Variants in OSBPL10 observed in about 807,000 individuals in gnomAD.
OSBPL10 encodes oxysterol binding protein like 10, also known as oxysterol-binding protein-related protein 10.
Under a neutral mutation model 81.7 loss-of-function variants are expected in OSBPL10, and 49 were observed. That is an observed-to-expected ratio of 0.60 (90% CI 0.48 to 0.76). OSBPL10 has a LOEUF of 0.76. OSBPL10 is among the 30% of genes least tolerant of loss of function. OSBPL10 has a pLI of 0.00. For missense variants in OSBPL10, 923 were observed against 987.8 expected (o/e 0.93, Z 0.88); for synonymous variants, 419 against 383.6 (o/e 1.09, Z -1.08).
intron 6 of OSBPL10, chr3:31,732,802 G>A (rs1230899163): frequency 4.8e-6 from 1 of 206,214 alleles, no homozygotes; most frequent in African/African-American, 2.4e-5. Context: ...CAAGAGGAGT[G>A]TTGGCCATGG....
chr3:32,015,708 A>G (rs1699307008), intron 2 of OSBPL10, among the ~76,000 whole-genome samples: 1 of 152,240 alleles, frequency 6.6e-6, no homozygotes, highest in East Asian at 1.9e-4. Flanking sequence ...TCATCTTACA[A>G]AGGGCTAATA....
At chr3:31,927,541 C>T (rs926806471) in intron 1 of OSBPL10, among the ~76,000 whole-genome samples, 9 of 152,156 alleles carry the variant, frequency 5.9e-5, no homozygotes, top group Non-Finnish European at 1.2e-4. Flanking sequence ...TTTCTGGATG[C>T]CCAGAGTCAT....
At chr3:31,954,947 A>G (rs1159338764) in intron 1 of OSBPL10, among the ~76,000 whole-genome samples, 1 of 152,254 alleles carries the variant, frequency 6.6e-6, no homozygotes, top group Non-Finnish European at 1.5e-5. Flanking sequence ...TGTCAGTTGT[A>G]GAATCCAGGT....
intron 1 of OSBPL10, among the ~76,000 whole-genome samples, chr3:31,977,969 C>A (rs892911338): frequency 1.6e-4 from 24 of 152,192 alleles, no homozygotes; most frequent in African/African-American, 5.5e-4. Context: ...TGTGACCTCT[C>A]TTTATGTCGT....
At chr3:31,964,007 A>G (rs1228035222) in intron 1 of OSBPL10, among the ~76,000 whole-genome samples, 1 of 152,032 alleles carries the variant, frequency 6.6e-6, no homozygotes, top group African/African-American at 2.4e-5. Flanking sequence ...CAATATTTCC[A>G]AAGCACATCC....
intron 4 of OSBPL10, among the ~76,000 whole-genome samples, chr3:31,757,575 A>G (rs72859656): frequency 1.6e-3 from 245 of 152,348 alleles, no homozygotes; most frequent in African/African-American, 5.4e-3. Flanking sequence ...GTACTTTGTT[A>G]ATGCAGTACT....
Position 31,714,285 on chromosome 3 carries a change from G to A in OSBPL10, c.1096-11777C>T, listed in dbSNP as rs151151724. The stretch of plus-strand genomic sequence containing the variant: ...AGGATTACAATCAGTGCAGGACATG[G>A]CCTGGGTCACCCTGGACACTGCAGC... On this transcript the variant is annotated intron_variant, in intron 6 of 11. Coordinates refer to ENST00000396556, the MANE Select transcript of OSBPL10 (RefSeq NM_017784.5). Among the ~76,000 whole-genome samples the A allele has an allele frequency of 4.8e-3, 727 of 152,284 alleles. 3 individuals are homozygous for A. Among genetic ancestry groups the A allele is most frequent in the Non-Finnish European group, 7.9e-3 (535 of 68,026 alleles).
intron 5 of OSBPL10, among the ~76,000 whole-genome samples, chr3:31,738,390 GAA>G (rs58044645): frequency 3.0e-4 from 42 of 141,482 alleles, no homozygotes; most frequent in African/African-American, 8.8e-4. Context: ...TGCCTTAAAG[GAA>G]AAAAAAAAAA....
intron 1 of OSBPL10, among the ~76,000 whole-genome samples, chr3:31,911,507 A>G (rs140523618): frequency 1.0e-3 from 156 of 152,180 alleles, no homozygotes; most frequent in East Asian, 7.9e-3. Flanking sequence ...TTCCCTCTAC[A>G]ACAGGGGTGT....
intron 6 of OSBPL10, chr3:31,709,197 T>C (rs1222605512): frequency 4.0e-6 from 1 of 248,134 alleles, no homozygotes; most frequent in Non-Finnish European, 6.4e-6. Context: ...GAGTTTGTCG[T>C]CACTGACATC....
At chr3:31,695,824 G>A (rs142893600) in intron 7 of OSBPL10, among the ~76,000 whole-genome samples, 309 of 152,146 alleles carry the variant, frequency 2.0e-3, no homozygotes, top group Non-Finnish European at 3.7e-3. Flanking sequence ...ACTCTCAGCT[G>A]GTCACTTTCC....
intron 7 of OSBPL10, among the ~76,000 whole-genome samples, chr3:31,687,068 G>A (rs969078712): frequency 2.0e-5 from 3 of 152,264 alleles, no homozygotes; most frequent in African/African-American, 7.2e-5. Flanking sequence ...ACAAAGGACA[G>A]GCTGCCACAA....
At chr3:31,918,890 C>T (rs1272357277) in intron 1 of OSBPL10, among the ~76,000 whole-genome samples, 2 of 152,196 alleles carry the variant, frequency 1.3e-5, no homozygotes, top group African/African-American at 2.4e-5. Flanking sequence ...CAAAACAAAA[C>T]ACATATGCAG....
chr3:31,792,168 G>A (rs145247258), intron 4 of OSBPL10, among the ~76,000 whole-genome samples: 2 of 151,888 alleles, frequency 1.3e-5, no homozygotes, highest in African/African-American at 2.4e-5. Flanking sequence ...AATTGAGGCT[G>A]CGGTGAGCTG....
Position 31,880,789 on chromosome 3 carries a change from A to T in OSBPL10, c.282-959T>A, listed in dbSNP as rs1695551557. Among the ~76,000 whole-genome samples the T allele has an allele frequency of 3.3e-5, 5 of 152,350 alleles. No individual in the cohort carries two copies. The South Asian group carries it at 1.0e-3, about 32-fold the overall frequency. On this transcript the variant is annotated intron_variant, in intron 1 of 11. Transcript: ENST00000396556. ...TGGTCTGCAAATTTTGACGGTCTAC[A>T]AACTGTTACCAGTCCACCACACCCT...
At chr3:31,812,277 CT>C (rs1465134959) in intron 4 of OSBPL10, among the ~76,000 whole-genome samples, 1 of 152,214 alleles carries the variant, frequency 6.6e-6, no homozygotes, top group African/African-American at 2.4e-5. Flanking sequence ...GGTGATCCCC[CT>C]GCCTCAGCCT....
chr3:31,984,563 A>G (rs1698907363), upstream of OSBPL10, among the ~76,000 whole-genome samples: 1 of 152,144 alleles, frequency 6.6e-6, no homozygotes, highest in South Asian at 2.1e-4. Flanking sequence ...CACCTCAAAC[A>G]CAAATCTTAA....
chr3:32,011,697 A>T (rs549689125), intron 2 of OSBPL10, among the ~76,000 whole-genome samples: 1 of 152,352 alleles, frequency 6.6e-6, no homozygotes, highest in South Asian at 2.1e-4. Flanking sequence ...CCTTGAAAAA[A>T]GATTAGATGA....
Position 31,974,933 on chromosome 3 carries a change from TCAA to T in OSBPL10, c.281+5963_281+5965del, listed in dbSNP as rs58009534. Among the ~76,000 whole-genome samples the T allele has an allele frequency of 6.2e-3, 948 of 152,298 alleles. 10 individuals carry two copies. The highest frequency in any genetic ancestry group is 0.021 in the African/African-American group (887 of 41,540). ...AAGGCATGAGCAGCTTTTCTTTGCC[TCAA>T]CAACTTTTTCAAACTGCAAAACAGA... On this transcript the variant is annotated intron_variant, in intron 1 of 11. Transcript: ENST00000396556.
Sources: gnomAD v4.1 joint callset for allele counts (sites outside exome capture counted in the v4.1 genomes callset) on GRCh38, gnomAD v4.1.1 for gene constraint, MANE v1.5 for transcripts, NCBI Gene and HGNC (gene_info 2026-07-23, HGNC 2026-07-21) for gene names.